Variants in MLLT3 observed in about 807,000 individuals in gnomAD.
MLLT3 encodes protein AF-9.
In MLLT3, 4 loss-of-function variants were observed where a neutral mutation model predicts 53.2. That is an observed-to-expected ratio of 0.08 (90% CI 0.04 to 0.17). MLLT3 has a LOEUF of 0.17. MLLT3 is among the 10% of genes least tolerant of loss of function. MLLT3 has a pLI of 1.00. For synonymous variants in MLLT3, 283 were observed against 230.6 expected (o/e 1.23, Z -2.06); for missense variants, 569 against 684.0 (o/e 0.83, Z 1.87).
chr9:20,407,389 A>G (rs1483756691), intron 5 of MLLT3, among the ~76,000 whole-genome samples: 1 of 152,186 alleles, frequency 6.6e-6, no homozygotes, highest in Non-Finnish European at 1.5e-5. Context: ...AAGAAGCTAG[A>G]GGCTCCTGGA....
In MLLT3 at chr9:20,343,952, G is replaced by A. The variant is rs1820802936; in HGVS notation, c.*2491C>T. The A allele has an allele frequency of 4.9e-6, 1 of 203,358 alleles. No homozygotes were observed. The highest frequency in any genetic ancestry group is 1.0e-5 in the Non-Finnish European group (1 of 99,284). The allele number at this position is 203,358 out of a possible 1,614,324, so 12.6% of individuals were successfully genotyped here. On this transcript the variant is annotated 3_prime_UTR_variant, in exon 11 of 11. Coordinates refer to ENST00000380338, the MANE Select transcript of MLLT3 (RefSeq NM_004529.4). ...TTCTGTATTTAAAAATTAGATGAGAGCAAGATTACCACTTCAAAAAAAATA... is the reference window on the plus strand; with the variant it reads ...TTCTGTATTTAAAAATTAGATGAGAACAAGATTACCACTTCAAAAAAAATA...
At chr9:20,506,073 T>C (rs545999472) in intron 2 of MLLT3, among the ~76,000 whole-genome samples, 2 of 133,690 alleles carry the variant, frequency 1.5e-5, no homozygotes, top group East Asian at 4.7e-4. Context: ...CTTTCTTTTT[T>C]TCTCTCTTTT....
chr9:20,605,073 C>T (rs1472091593), intron 2 of MLLT3, among the ~76,000 whole-genome samples: 1 of 152,062 alleles, frequency 6.6e-6, no homozygotes, highest in Non-Finnish European at 1.5e-5. Flanking sequence ...TTAGTCATTG[C>T]TGTAAACTGT....
In MLLT3 at chr9:20,344,765, TTA is replaced by T. The variant is rs1477295086; in HGVS notation, c.*1676_*1677del. On this transcript the variant is annotated 3_prime_UTR_variant, in exon 11 of 11. Coordinates refer to ENST00000380338, the MANE Select transcript of MLLT3 (RefSeq NM_004529.4). Reference sequence around the variant, plus strand: ...AAATAACTCCATTATCAATCTGCATTTATATAACTGCCCAAAAGAATGGGTCT... The same window carrying T: ...AAATAACTCCATTATCAATCTGCATTTATAACTGCCCAAAAGAATGGGTCT... 3.4e-5 allele frequency: 7 copies of T among 206,272 alleles called. No individual in the cohort carries two copies. The highest frequency in any genetic ancestry group is 9.9e-6 in the Non-Finnish European group (1 of 101,038). 12.8% of individuals were successfully genotyped at this position (206,272 alleles called of 1,614,324 possible). A position where few individuals can be genotyped will look rare whatever the true frequency, so the allele number is the denominator to read the frequency against.
At chr9:20,403,901 C>A (rs1463288597) in intron 5 of MLLT3, among the ~76,000 whole-genome samples, 1 of 152,162 alleles carries the variant, frequency 6.6e-6, no homozygotes, top group East Asian at 1.9e-4. Flanking sequence ...TCACTGCAGC[C>A]TCAACTTACT....
chr9:20,524,121 G>A (rs1818139878), intron 2 of MLLT3, among the ~76,000 whole-genome samples: 1 of 152,080 alleles, frequency 6.6e-6, no homozygotes, highest in African/African-American at 2.4e-5. Context: ...GTGGATAGAT[G>A]TCATTATACA....
intron 2 of MLLT3, among the ~76,000 whole-genome samples, chr9:20,478,567 GT>G (rs933625924): frequency 3.9e-5 from 6 of 152,114 alleles, no homozygotes; most frequent in Admixed American, 1.3e-4. Context: ...AAAAGCCTAG[GT>G]TCAAAGATGA....
At chr9:20,518,673 T>C (rs1817977656) in intron 2 of MLLT3, among the ~76,000 whole-genome samples, 1 of 152,230 alleles carries the variant, frequency 6.6e-6, no homozygotes, top group African/African-American at 2.4e-5. Context: ...TGATATCATG[T>C]ACCATGTACC....
chr9:20,369,169 G>A (rs960877641), intron 5 of MLLT3, among the ~76,000 whole-genome samples: 1 of 152,288 alleles, frequency 6.6e-6, no homozygotes, highest in African/African-American at 2.4e-5. Context: ...CACTGATCGA[G>A]GACCCAGAGA....
intron 2 of MLLT3, among the ~76,000 whole-genome samples, chr9:20,588,285 A>T (rs1820033495): frequency 1.3e-5 from 2 of 149,882 alleles, no homozygotes; most frequent in South Asian, 4.3e-4. Context: ...TGATGCCTCC[A>T]GCTTTGTTCT....
At chr9:20,395,011 G>A (rs568054724) in intron 5 of MLLT3, among the ~76,000 whole-genome samples, 2 of 152,100 alleles carry the variant, frequency 1.3e-5, no homozygotes, top group East Asian at 1.9e-4. Flanking sequence ...AGGAAAGGGC[G>A]TAATCTCCCC....
intron 2 of MLLT3, among the ~76,000 whole-genome samples, chr9:20,520,964 A>G (rs901397005): frequency 2.0e-5 from 3 of 152,236 alleles, no homozygotes; most frequent in Admixed American, 6.5e-5. Context: ...CTTCTAAGAC[A>G]AAAGAGTTGT....
chr9:20,540,025 C>G (rs1027641075), intron 2 of MLLT3, among the ~76,000 whole-genome samples: 3 of 152,204 alleles, frequency 2.0e-5, no homozygotes, highest in African/African-American at 7.2e-5. Flanking sequence ...CCAGGCAACT[C>G]CAAAACCCAG....
chr9:20,548,881 C>T (rs1445416552), intron 2 of MLLT3, among the ~76,000 whole-genome samples: 2 of 151,512 alleles, frequency 1.3e-5, no homozygotes, highest in African/African-American at 4.9e-5. Context: ...AGTGCAGTGG[C>T]ACCATCACTG....
chr9:20,573,920 G>A (rs1041990407), intron 2 of MLLT3, among the ~76,000 whole-genome samples: 2 of 152,164 alleles, frequency 1.3e-5, no homozygotes, highest in Non-Finnish European at 1.5e-5. Context: ...ATAAAATTCT[G>A]TTGCATTTTT....
intron 5 of MLLT3, among the ~76,000 whole-genome samples, chr9:20,403,917 C>G (rs1262665522): frequency 6.6e-6 from 1 of 152,086 alleles, no homozygotes; most frequent in East Asian, 1.9e-4. Context: ...TTACTGGGCT[C>G]AGATGATTGT....
At chr9:20,373,713 T>A (rs894640130) in intron 5 of MLLT3, among the ~76,000 whole-genome samples, 6 of 152,190 alleles carry the variant, frequency 3.9e-5, no homozygotes, top group African/African-American at 1.4e-4. Flanking sequence ...ATTAGTTACA[T>A]TACGAAAATG....
chr9:20,507,476 A>G (rs1336210113), intron 2 of MLLT3, among the ~76,000 whole-genome samples: 4 of 152,130 alleles, frequency 2.6e-5, no homozygotes, highest in Admixed American at 2.6e-4. Flanking sequence ...AAAAGGTCCT[A>G]GTTTATATAA....
chr9:20,421,279 ATAAAT>A (rs1020141655), intron 4 of MLLT3, among the ~76,000 whole-genome samples: 4 of 152,248 alleles, frequency 2.6e-5, no homozygotes, highest in African/African-American at 9.6e-5. Context: ...AATAAATAAA[ATAAAT>A]AAATTAAAGA....
Sources: gnomAD v4.1 joint callset for allele counts (sites outside exome capture counted in the v4.1 genomes callset) on GRCh38, gnomAD v4.1.1 for gene constraint, MANE v1.5 for transcripts, NCBI Gene and HGNC (gene_info 2026-07-23, HGNC 2026-07-21) for gene names.